LRP1B: variants seen among roughly 807,000 people sequenced by gnomAD.
LRP1B encodes low-density lipoprotein receptor-related protein 1B.
In LRP1B, 217 loss-of-function variants were observed where a neutral mutation model predicts 556.6. The observed-to-expected ratio is 0.39, with a 90% CI of 0.35 to 0.44. The LOEUF (loss-of-function observed/expected upper bound fraction) is 0.44. Ranked by LOEUF, LRP1B falls within the 20% of genes least tolerant of loss-of-function variation. The pLI, the probability that LRP1B is intolerant of heterozygous loss-of-function variation, is 1.00. For synonymous variants in LRP1B, 2,047 were observed against 1,865.8 expected (o/e 1.10, Z -2.50); for missense variants, 5,053 against 5,620.8 (o/e 0.90, Z 3.23).
chr2:141,359,256 A>G (rs1688731508), intron 3 of LRP1B, among the ~76,000 whole-genome samples: 1 of 133,848 alleles, frequency 7.5e-6, no homozygotes, highest in African/African-American at 2.7e-5. Context: ...AAAGACAAGG[A>G]CAAAATAAAT....
At chr2:140,966,037 A>C (rs9752977) in intron 18 of LRP1B, among the ~76,000 whole-genome samples, 146,464 of 152,276 alleles carry the variant, frequency 0.96, 70,693 homozygotes, top group Non-Finnish European at 1. Context: ...GTCTTTATAG[A>C]AGCATGATTT....
intron 6 of LRP1B, among the ~76,000 whole-genome samples, chr2:141,189,048 A>G (rs1053766355): frequency 6.6e-6 from 1 of 151,972 alleles, no homozygotes; most frequent in Non-Finnish European, 1.5e-5. Flanking sequence ...GGAAAAGGAG[A>G]TCTATAAGAT....
At chr2:141,787,904 C>A (rs534906470) in intron 2 of LRP1B, among the ~76,000 whole-genome samples, 1 of 151,848 alleles carries the variant, frequency 6.6e-6, no homozygotes, top group African/African-American at 2.4e-5. Context: ...TTTTACTTTT[C>A]CATAAGTTTA....
chr2:141,079,808 T>C (rs1191231106), intron 7 of LRP1B, among the ~76,000 whole-genome samples: 1 of 152,164 alleles, frequency 6.6e-6, no homozygotes, highest in East Asian at 1.9e-4. Context: ...TACTATTAGG[T>C]TGGTGCAAAA....
At chr2:140,817,334 T>C (rs1200181172) in intron 31 of LRP1B, among the ~76,000 whole-genome samples, 1 of 151,950 alleles carries the variant, frequency 6.6e-6, no homozygotes, top group African/African-American at 2.4e-5. Flanking sequence ...AAAAAATAAG[T>C]CACTATTTAA....
intron 17 of LRP1B, among the ~76,000 whole-genome samples, chr2:140,985,228 T>C (rs1251947743): frequency 1.3e-5 from 2 of 151,436 alleles, no homozygotes; most frequent in Non-Finnish European, 2.9e-5. Context: ...CATAGCACTA[T>C]TCCTAAACTT....
intron 1 of LRP1B, among the ~76,000 whole-genome samples, chr2:141,825,808 A>G (rs1270236408): frequency 6.6e-6 from 1 of 152,226 alleles, no homozygotes; most frequent in Non-Finnish European, 1.5e-5. Flanking sequence ...TTTTAATATT[A>G]ACAGAAAATT....
At chr2:140,798,124 T>C (rs745617229) in intron 32 of LRP1B, among the ~76,000 whole-genome samples, 5 of 152,128 alleles carry the variant, frequency 3.3e-5, no homozygotes, top group Non-Finnish European at 7.3e-5. Context: ...TTATATGCTA[T>C]TTTCCCCCAC....
intron 1 of LRP1B, among the ~76,000 whole-genome samples, chr2:142,023,978 G>C (rs891915703): frequency 6.6e-6 from 1 of 151,980 alleles, no homozygotes; most frequent in Admixed American, 6.5e-5. Context: ...TACATTTTCA[G>C]TCTTTTAACA....
At position 140,371,234 on chromosome 2, in the gene LRP1B, A is replaced by G; in HGVS notation, c.10820T>C (p.Ile3607Thr). ...REYICASDGC[I>T]SASLKCNGEY... Reference sequence around the variant, plus strand: ...TCCATTACATTTCAAAGATGCTGAAATACATCCATCACTGGCACATATATA... The same window carrying G: ...TCCATTACATTTCAAAGATGCTGAAGTACATCCATCACTGGCACATATATA... The change falls in exon 70 of 91, where the codon ATT becomes ACT. Residue 3607 changes from isoleucine to threonine, a missense_variant. By Grantham distance (89) the Ile-to-Thr change is moderately conservative. Transcript: ENST00000389484. 1.3e-6 allele frequency: 2 copies of G among 1,598,562 alleles called. No individual in the cohort carries two copies. Among genetic ancestry groups the G allele is most frequent in the Non-Finnish European group, 1.7e-6 (2 of 1,172,502 alleles).
chr2:140,597,464 CT>C (rs1682489016), intron 43 of LRP1B, among the ~76,000 whole-genome samples: 1 of 152,020 alleles, frequency 6.6e-6, no homozygotes, highest in Admixed American at 6.6e-5. Flanking sequence ...AATGTTTTAC[CT>C]GTCTTTTCAA....
At chr2:141,816,062 TTTC>T (rs1487273155) in intron 1 of LRP1B, among the ~76,000 whole-genome samples, 2 of 152,204 alleles carry the variant, frequency 1.3e-5, no homozygotes, top group Non-Finnish European at 2.9e-5. Flanking sequence ...AGTTGGATGT[TTTC>T]TTCATTTTAT....
At chr2:140,343,027 T>C (rs1300616572) in intron 77 of LRP1B, among the ~76,000 whole-genome samples, 3 of 151,464 alleles carry the variant, frequency 2.0e-5, no homozygotes, top group African/African-American at 7.3e-5. Context: ...GTGGGGTGTA[T>C]ATCTTACAAA....
intron 87 of LRP1B, among the ~76,000 whole-genome samples, chr2:140,245,287 T>C (rs1224425383): frequency 6.6e-6 from 1 of 151,320 alleles, no homozygotes; most frequent in Admixed American, 6.6e-5. Context: ...CATTTGCCCA[T>C]ACAAATCGTT....
chr2:140,980,459 T>C (rs79033269), intron 18 of LRP1B, among the ~76,000 whole-genome samples: 2,428 of 152,264 alleles, frequency 0.016, 76 homozygotes, highest in East Asian at 0.13. Flanking sequence ...CGTAAAATAT[T>C]CTATTGTCTA....
At chr2:141,790,395 C>T (rs1203460146) in intron 2 of LRP1B, among the ~76,000 whole-genome samples, 1 of 151,576 alleles carries the variant, frequency 6.6e-6, no homozygotes, top group East Asian at 1.9e-4. Context: ...TACTTCAGAG[C>T]AGTTGTTTCA....
intron 3 of LRP1B, among the ~76,000 whole-genome samples, chr2:141,333,542 G>A (rs1322888100): frequency 1.3e-5 from 2 of 152,088 alleles, no homozygotes; most frequent in African/African-American, 4.8e-5. Context: ...CAGTAAAAAT[G>A]GTAGCTCATA....
At chr2:140,672,905 G>T (rs1205334897) in intron 41 of LRP1B, among the ~76,000 whole-genome samples, 3 of 152,136 alleles carry the variant, frequency 2.0e-5, no homozygotes, top group African/African-American at 7.2e-5. Flanking sequence ...TGGAAGAAAA[G>T]ATCCACGAGT....
chr2:141,676,780 A>G (rs1052694258), intron 2 of LRP1B, among the ~76,000 whole-genome samples: 8 of 152,082 alleles, frequency 5.3e-5, no homozygotes, highest in Non-Finnish European at 1.0e-4. Context: ...TTAGTTTTCA[A>G]TTTTGTATTT....
Sources: gnomAD v4.1 joint callset for allele counts (sites outside exome capture counted in the v4.1 genomes callset) on GRCh38, gnomAD v4.1.1 for gene constraint, MANE v1.5 for transcripts, NCBI Gene and HGNC (gene_info 2026-07-23, HGNC 2026-07-21) for gene names.